Variants in DOCK7 observed in about 807,000 individuals in gnomAD.
The protein encoded by DOCK7 is dedicator of cytokinesis 7, also known as dedicator of cytokinesis protein 7.
A neutral mutation model predicts 271.0 loss-of-function variants in DOCK7; 138 were observed. The ratio of observed to expected loss-of-function variants is 0.51; its 90% CI spans 0.44 to 0.59. The LOEUF is 0.59. DOCK7 is among the 20% of genes least tolerant of loss of function. The pLI, the probability that DOCK7 is intolerant of heterozygous loss-of-function variation, is 0.00. For synonymous variants in DOCK7, 823 were observed against 876.1 expected (o/e 0.94, Z 1.07); for missense variants, 2,066 against 2,592.4 (o/e 0.80, Z 4.41).
intron 29 of DOCK7, among the ~76,000 whole-genome samples, chr1:62,534,275 C>T (rs747408873): frequency 1.3e-5 from 2 of 152,078 alleles, no homozygotes; most frequent in Admixed American, 6.6e-5. Flanking sequence ...GCTGGGATTA[C>T]AGGTGTGAGC....
intron 10 of DOCK7, among the ~76,000 whole-genome samples, chr1:62,632,003 T>C (rs561628088): frequency 6.6e-6 from 1 of 152,318 alleles, no homozygotes; most frequent in Admixed American, 6.5e-5. Flanking sequence ...GAAGACATCT[T>C]GAGGCTGGCT....
intron 19 of DOCK7, among the ~76,000 whole-genome samples, chr1:62,561,264 G>A (rs1055230787): frequency 6.6e-6 from 1 of 152,112 alleles, no homozygotes; most frequent in African/African-American, 2.4e-5. Flanking sequence ...TGGAACAAAT[G>A]ATCCCTAAAA....
intron 7 of DOCK7, chr1:62,641,129 T>G: frequency 3.5e-6 from 1 of 289,052 alleles, no homozygotes; most frequent in Non-Finnish European, 6.8e-6. Flanking sequence ...AGACCAGGAG[T>G]CCATGGCTCT....
intron 42 of DOCK7, 79 bp from the exon 43 acceptor site, chr1:62,487,491 C>A: frequency 2.4e-6 from 3 of 1,275,308 alleles, no homozygotes; most frequent in Non-Finnish European, 3.4e-6. Context: ...GCACCATATA[C>A]CATAAATTCT....
At chr1:62,625,454 T>C in intron 11 of DOCK7, 53 bp from the exon 12 acceptor site, 1 of 1,527,722 alleles carries the variant, frequency 6.5e-7, no homozygotes, top group Non-Finnish European at 8.9e-7. Context: ...AATTTTGTTT[T>C]AAAGTAGCTT....
intron 7 of DOCK7, among the ~76,000 whole-genome samples, chr1:62,636,938 A>G (rs982598900): frequency 3.9e-5 from 6 of 152,210 alleles, no homozygotes; most frequent in African/African-American, 1.4e-4. Context: ...ATTTTTAAAT[A>G]AGTTTTAAAA....
intron 2 of DOCK7, among the ~76,000 whole-genome samples, chr1:62,658,139 G>GA (rs376855907): frequency 7.4e-4 from 98 of 131,942 alleles, no homozygotes; most frequent in African/African-American, 1.4e-3. Context: ...TTTAGACAAA[G>GA]AAAAAAAAAA....
intron 40 of DOCK7, among the ~76,000 whole-genome samples, chr1:62,493,895 T>G (rs749036595): frequency 3.3e-5 from 5 of 152,188 alleles, no homozygotes; most frequent in African/African-American, 4.8e-5. Flanking sequence ...TAATATTTTA[T>G]GTAGGGAATA....
chr1:62,474,922 C>T (rs948811708), intron 47 of DOCK7, among the ~76,000 whole-genome samples: 2 of 152,128 alleles, frequency 1.3e-5, no homozygotes, highest in Admixed American at 6.5e-5. Flanking sequence ...GGGAAGGTAA[C>T]ATCAGGGAGA....
At chr1:62,672,869 CTA>C (rs1391260573) in intron 1 of DOCK7, among the ~76,000 whole-genome samples, 3 of 152,012 alleles carry the variant, frequency 2.0e-5, no homozygotes, top group Non-Finnish European at 4.4e-5. Context: ...ATAATTCTTG[CTA>C]TAGTTTATAT....
chr1:62,601,158 T>C, intron 14 of DOCK7: 1 of 1,610,584 alleles, frequency 6.2e-7, no homozygotes, highest in East Asian at 2.2e-5. Flanking sequence ...ACTACTCCCT[T>C]TCTTCAGTTG....
At chr1:62,456,782 G>C (rs1297321548) in intron 49 of DOCK7, among the ~76,000 whole-genome samples, 1 of 152,012 alleles carries the variant, frequency 6.6e-6, no homozygotes, top group Non-Finnish European at 1.5e-5. Flanking sequence ...CTGACCTGGT[G>C]GGTATAAGAC....
At chr1:62,496,964 AAC>A (rs139206184) in intron 37 of DOCK7, among the ~76,000 whole-genome samples, 1 of 152,266 alleles carries the variant, frequency 6.6e-6, no homozygotes, top group Non-Finnish European at 1.5e-5. Flanking sequence ...TGATGCCTTT[AAC>A]AGTTTATAAC....
chr1:62,635,954 T>C (rs1655214849), intron 8 of DOCK7, among the ~76,000 whole-genome samples: 1 of 152,046 alleles, frequency 6.6e-6, no homozygotes, highest in South Asian at 2.1e-4. Flanking sequence ...TCTTAGAATA[T>C]TAAATTAAGA....
At chr1:62,535,786 A>G (rs1014373335) in intron 28 of DOCK7, among the ~76,000 whole-genome samples, 154 bp from the exon 29 acceptor site, 20 of 152,240 alleles carry the variant, frequency 1.3e-4, no homozygotes, top group African/African-American at 4.8e-4. Context: ...CTTTTGGGAC[A>G]GGAAACTATG....
Position 62,535,603 on chromosome 1 carries a change from G to C in DOCK7, c.3501C>G (p.Asp1167Glu). The C allele has an allele frequency of 1.4e-5, 22 of 1,613,870 alleles. No individual in the cohort carries two copies. The highest frequency in any genetic ancestry group is 1.9e-5 in the Non-Finnish European group (22 of 1,179,902). The change falls in exon 29 of 50, where the codon GAC becomes GAG. Residue 1167 changes from aspartate (D) to glutamate (E), a missense_variant. Asp to Glu is a conservative substitution (Grantham distance 45, BLOSUM62 2). Around this residue, in one of 2 missense-constraint regions of DOCK7, gnomAD observed 1,414 missense variants for 1,670.4 expected, o/e 0.85. Transcript: ENST00000635253. ...ATTCAAACATATTTGCAATCTTTTG[G>C]TCTTGTACATTCGTAGAAAATCCAG... ...QSSGFSTNVQ[D>E]QKIANMFELS...
intron 11 of DOCK7, chr1:62,628,390 T>C (rs1654207501): frequency 1.3e-5 from 2 of 152,138 alleles, no homozygotes; most frequent in Non-Finnish European, 2.9e-5. Context: ...AGTCCAGAAA[T>C]AAATCCCACA....
chr1:62,477,880 T>C, intron 43 of DOCK7, 55 bp from the exon 44 acceptor site: 1 of 1,511,232 alleles, frequency 6.6e-7, no homozygotes, highest in South Asian at 1.4e-5. Context: ...ATCTTCCTGT[T>C]TTTCACATTA....
At chr1:62,625,525 TAGG>T (rs1653838916) in intron 11 of DOCK7, 124 bp from the exon 12 acceptor site, 1 of 951,714 alleles carries the variant, frequency 1.1e-6, no homozygotes, top group Non-Finnish European at 1.5e-6. Flanking sequence ...TCAAGTATAG[TAGG>T]AGAATTTTGC....
Sources: allele counts gnomAD v4.1 joint callset (sites outside exome capture counted in the v4.1 genomes callset), GRCh38; gene constraint gnomAD v4.1.1; regional missense constraint gnomAD v4.1.1; transcripts MANE v1.5; gene names NCBI Gene and HGNC (gene_info 2026-07-23, HGNC 2026-07-21).